Variants in DAG1 observed in about 807,000 individuals in gnomAD.
DAG1 encodes dystroglycan 1, also known as dystroglycan 1 (dystrophin-associated glycoprotein 1).
In DAG1, 8 loss-of-function variants were observed where a neutral mutation model predicts 46.1. The ratio of observed to expected loss-of-function variants is 0.17; its 90% confidence interval spans 0.10 to 0.31. The LOEUF (loss-of-function observed/expected upper bound fraction) is 0.31. Ranked by LOEUF, DAG1 falls within the 10% of genes least tolerant of loss-of-function variation. DAG1 has a pLI of 1.00. For synonymous variants in DAG1, 495 were observed against 481.8 expected, an observed-to-expected ratio of 1.03 and a Z score of -0.36; for missense variants, 1,003 against 1,189.9, an observed-to-expected ratio of 0.84 and a Z score of 2.31.
chr3:49,512,661 C>G (rs976534163), intron 2 of DAG1, among the ~76,000 whole-genome samples: 23 of 151,092 alleles, frequency 1.5e-4, no homozygotes, highest in Admixed American at 5.3e-4. Flanking sequence ...CAACACCCAG[C>G]TAATTAAAAA....
At position 49,533,532 on chromosome 3, in the gene DAG1, G is replaced by A. The variant is rs2051430224; in HGVS notation, c.*333G>A. 5 of 528,862 alleles carry A rather than the reference G, an allele frequency of 9.5e-6. No individual in the cohort carries two copies. The highest frequency in any genetic ancestry group is 3.8e-5 in the African/African-American group (2 of 52,354). The allele number at this position is 528,862 out of a possible 1,614,324, so 32.8% of individuals were successfully genotyped here. ...GGAGCGAGGAACCATGAATGAACTC[G>A]CAGGCAGTGCCGGGCGGCCCCCTGG... On this transcript the variant is annotated 3_prime_UTR_variant, in exon 3 of 3. Coordinates refer to ENST00000308775, the MANE Select transcript of DAG1 (RefSeq NM_004393.6).
intron 1 of DAG1, among the ~76,000 whole-genome samples, chr3:49,472,334 C>T (rs1559542793): frequency 6.6e-6 from 1 of 152,082 alleles, no homozygotes; most frequent in Non-Finnish European, 1.5e-5. Context: ...TTCTGGAATG[C>T]ATGGGCCAGA....
intron 1 of DAG1, among the ~76,000 whole-genome samples, chr3:49,476,038 T>C (rs147744937): frequency 3.1e-3 from 472 of 152,234 alleles, no homozygotes; most frequent in African/African-American, 0.01. Flanking sequence ...TTCTTAGTTT[T>C]ACTCAGGGTC....
chr3:49,492,215 G>A (rs1358453894), intron 1 of DAG1, among the ~76,000 whole-genome samples: 1 of 151,970 alleles, frequency 6.6e-6, no homozygotes, highest in Non-Finnish European at 1.5e-5. Flanking sequence ...GTGAGCCACC[G>A]TACCCCGCCT....
Position 49,532,677 on chromosome 3 carries a change from A to G in DAG1, c.2166A>G (p.Val722=). The change falls in exon 3 of 3, where the codon GTA becomes GTG. Residue 722 remains valine, a synonymous_variant. Coordinates refer to ENST00000308775, the MANE Select transcript of DAG1 (RefSeq NM_004393.6). The surrounding 1 kb of genome is among the most constrained non-coding windows in gnomAD (Gnocchi z 5.4). ...SCRHLQFIPV[V]PPRRVPSEAP... is the part of the protein sequence containing the mutation. ...GGCACCTACAGTTTATCCCTGTGGTACCACCCAGGAGAGTGCCCTCAGAGG... is the reference window on the plus strand; with the variant it reads ...GGCACCTACAGTTTATCCCTGTGGTGCCACCCAGGAGAGTGCCCTCAGAGG... 6.2e-7 allele frequency: 1 copy of G among 1,614,166 alleles called. No individual in the cohort carries two copies. Among genetic ancestry groups the G allele is most frequent in the Non-Finnish European group, 8.5e-7 (1 of 1,180,030 alleles).
chr3:49,493,692 C>A (rs1157699149), intron 1 of DAG1, among the ~76,000 whole-genome samples: 2 of 152,236 alleles, frequency 1.3e-5, no homozygotes, highest in Non-Finnish European at 2.9e-5. Context: ...AGCAGCCCAA[C>A]ATCCTTTGCT....
chr3:49,501,994 T>C lies in DAG1; in HGVS notation c.-116-8425T>C, dbSNP rs185933061. 1.6e-3 allele frequency among the ~76,000 whole-genome samples: 236 copies of C among 152,192 alleles called. 1 individual carries two copies. The highest frequency in any genetic ancestry group is 1.1e-3 in the Non-Finnish European group (74 of 68,016). ...GAGTTTGAAACCAGCCTGGGTAATATAGTCTGTATCTCTTCAACAAAATTT... is the reference window on the plus strand; with the variant it reads ...GAGTTTGAAACCAGCCTGGGTAATACAGTCTGTATCTCTTCAACAAAATTT... On this transcript the variant is annotated intron_variant, in intron 1 of 2. Transcript: ENST00000308775.
At chr3:49,469,299 T>C (rs540074560), upstream of DAG1, among the ~76,000 whole-genome samples, 32 of 152,208 alleles carry the variant, frequency 2.1e-4, 1 homozygote, top group African/African-American at 7.5e-4. Context: ...GGTGTGGGGA[T>C]GAGAAGCAGA....
intron 1 of DAG1, among the ~76,000 whole-genome samples, chr3:49,501,187 C>T (rs886786370): frequency 5.9e-5 from 9 of 152,078 alleles, no homozygotes; most frequent in African/African-American, 1.4e-4. Flanking sequence ...GTCATGTGTC[C>T]GCAGATAGCA....
intron 2 of DAG1, among the ~76,000 whole-genome samples, chr3:49,512,635 G>C (rs980547537): frequency 6.6e-6 from 1 of 151,128 alleles, no homozygotes; most frequent in Non-Finnish European, 1.5e-5. Flanking sequence ...CGGGTGATCT[G>C]TCTGCCTCAG....
At chr3:49,495,592 C>G (rs1007311603) in intron 1 of DAG1, among the ~76,000 whole-genome samples, 1 of 152,156 alleles carries the variant, frequency 6.6e-6, no homozygotes, top group Non-Finnish European at 1.5e-5. Context: ...ATTCCCCCAC[C>G]ACCTCTCCAC....
At chr3:49,510,295 C>A (rs2050726610) in intron 1 of DAG1, 124 bp from the exon 2 acceptor site, 3 of 599,208 alleles carry the variant, frequency 5.0e-6, no homozygotes, top group East Asian at 5.5e-5. Flanking sequence ...GTATAAGAGA[C>A]CATGGGGGTA....
At chr3:49,493,281 CA>C (rs2050234969) in intron 1 of DAG1, among the ~76,000 whole-genome samples, 1 of 152,026 alleles carries the variant, frequency 6.6e-6, no homozygotes, top group African/African-American at 2.4e-5. Context: ...TGGGCTCAAG[CA>C]ATCCATCAAC....
chr3:49,480,977 G>A (rs535501035), intron 1 of DAG1, among the ~76,000 whole-genome samples: 3 of 143,612 alleles, frequency 2.1e-5, no homozygotes, highest in East Asian at 2.1e-4. Flanking sequence ...TAGCCAGGAC[G>A]GTCTCGATCT....
At chr3:49,472,814 A>G (rs1261111061) in intron 1 of DAG1, among the ~76,000 whole-genome samples, 4 of 151,570 alleles carry the variant, frequency 2.6e-5, no homozygotes, top group Non-Finnish European at 5.9e-5. Flanking sequence ...CTCAAAAACA[A>G]AACAAAAAAC....
chr3:49,519,561 A>G (rs917987144), intron 2 of DAG1, among the ~76,000 whole-genome samples: 1 of 152,162 alleles, frequency 6.6e-6, no homozygotes, highest in Non-Finnish European at 1.5e-5. Context: ...GATGAGCTGC[A>G]GTTTCTTCCT....
At chr3:49,485,986 T>G (rs1281085620) in intron 1 of DAG1, among the ~76,000 whole-genome samples, 10 of 151,826 alleles carry the variant, frequency 6.6e-5, no homozygotes, top group Non-Finnish European at 1.5e-5. Flanking sequence ...AATCCAAGCT[T>G]TCTGAGGGTT....
intron 1 of DAG1, among the ~76,000 whole-genome samples, chr3:49,472,514 TA>T (rs1188084173): frequency 6.6e-6 from 1 of 152,072 alleles, no homozygotes; most frequent in Non-Finnish European, 1.5e-5. Flanking sequence ...ATTTGATTAT[TA>T]AAAACTTTAT....
At chr3:49,523,660 G>C (rs898017234) in intron 2 of DAG1, among the ~76,000 whole-genome samples, 3 of 152,234 alleles carry the variant, frequency 2.0e-5, no homozygotes, top group Non-Finnish European at 2.9e-5. Context: ...TCCAAGGTCA[G>C]TTGGGAAGGA....
Sources: allele counts gnomAD v4.1 joint callset (sites outside exome capture counted in the v4.1 genomes callset), GRCh38; gene constraint gnomAD v4.1.1; non-coding constraint Gnocchi (gnomAD v3.1); transcripts MANE v1.5; gene names NCBI Gene and HGNC (gene_info 2026-07-23, HGNC 2026-07-21).